CNTN3: variants seen among roughly 807,000 people sequenced by gnomAD.
CNTN3 encodes contactin-3.
CNTN3 carries 60 observed loss-of-function variants against 119.1 expected under a neutral mutation model. That is an observed-to-expected ratio of 0.50 (90% CI 0.41 to 0.62). CNTN3 has a LOEUF of 0.62. Among genes scored for constraint, CNTN3 ranks in the 20% least tolerant of loss-of-function variants. The pLI is 0.00. For missense variants in CNTN3, 1,101 were observed against 1,242.4 expected (o/e 0.89, Z 1.71); for synonymous variants, 450 against 438.7 (o/e 1.03, Z -0.32).
chr3:74,512,059 T>A (rs1016740541), intron 2 of CNTN3, among the ~76,000 whole-genome samples: 31 of 152,148 alleles, frequency 2.0e-4, no homozygotes, highest in Admixed American at 2.0e-3. Context: ...ATGATATCTA[T>A]AATATAGGAT....
At chr3:74,591,699 C>T (rs1236244431) in intron 1 of CNTN3, among the ~76,000 whole-genome samples, 1 of 151,732 alleles carries the variant, frequency 6.6e-6, no homozygotes, top group African/African-American at 2.4e-5. Flanking sequence ...AGGTCTCTGG[C>T]TTTCCTGACA....
rs142206483 is a variant in CNTN3, at chr3:74,352,899, T to C, written c.1364+8991A>G. 6.2e-3 allele frequency among the ~76,000 whole-genome samples: 950 copies of C among 152,278 alleles called. 17 individuals are homozygous for C. The highest frequency in any genetic ancestry group is 0.022 in the African/African-American group (895 of 41,558). ...AACTCACTGAGCTTGCACGCCTACCTGACAGTTGCGAGGGAACAACTGTTT... is the reference window on the plus strand; with the variant it reads ...AACTCACTGAGCTTGCACGCCTACCCGACAGTTGCGAGGGAACAACTGTTT... On this transcript the variant is annotated intron_variant, in intron 11 of 22. Transcript: ENST00000263665.
intron 5 of CNTN3, among the ~76,000 whole-genome samples, chr3:74,413,181 C>T (rs748564077): frequency 7.2e-5 from 11 of 152,054 alleles, no homozygotes; most frequent in South Asian, 2.1e-4. Flanking sequence ...GAAAATGACA[C>T]GTCCCAGGTA....
chr3:74,574,245 C>A (rs1704378773), intron 1 of CNTN3, among the ~76,000 whole-genome samples: 4 of 152,014 alleles, frequency 2.6e-5, no homozygotes, highest in Admixed American at 1.3e-4. Context: ...ATAGGACAAT[C>A]CATAAAAACA....
chr3:74,538,738 C>T (rs1011491834), intron 1 of CNTN3, among the ~76,000 whole-genome samples: 2 of 151,982 alleles, frequency 1.3e-5, no homozygotes, highest in South Asian at 2.1e-4. Flanking sequence ...AGTAAGCTTC[C>T]CTAAGGCAGT....
At chr3:74,553,639 G>A (rs1416614218) in intron 1 of CNTN3, among the ~76,000 whole-genome samples, 1 of 152,160 alleles carries the variant, frequency 6.6e-6, no homozygotes, top group African/African-American at 2.4e-5. Flanking sequence ...TAACTGGCGT[G>A]AGATGATATC....
chr3:74,330,219 G>C (rs770161236), intron 13 of CNTN3, among the ~76,000 whole-genome samples: 18 of 152,078 alleles, frequency 1.2e-4, no homozygotes, highest in Non-Finnish European at 1.6e-4. Flanking sequence ...AGCCGGACAC[G>C]GTGGTGCATG....
At chr3:74,336,410 G>T in intron 12 of CNTN3, 121 bp downstream of exon 12, 2 of 1,043,822 alleles carry the variant, frequency 1.9e-6, no homozygotes, top group Non-Finnish European at 2.8e-6. Flanking sequence ...TAACATAAGT[G>T]CAAATACAGG....
intron 5 of CNTN3, among the ~76,000 whole-genome samples, chr3:74,380,989 T>C (rs1704603218): frequency 6.6e-6 from 1 of 152,042 alleles, no homozygotes; most frequent in Admixed American, 6.6e-5. Context: ...GAAGTTGCCC[T>C]GCCAAATTAC....
chr3:74,370,346 C>T (rs1704305602), intron 6 of CNTN3, among the ~76,000 whole-genome samples: 1 of 152,030 alleles, frequency 6.6e-6, no homozygotes, highest in Admixed American at 6.6e-5. Context: ...CCAAGAAAAC[C>T]ACTGAGCCTT....
intron 13 of CNTN3, among the ~76,000 whole-genome samples, chr3:74,319,003 A>G (rs1254771218): frequency 2.0e-5 from 3 of 152,188 alleles, no homozygotes; most frequent in Admixed American, 6.5e-5. Context: ...CCACTGCTCA[A>G]TGAAATAAAA....
chr3:74,304,595 T>C (rs1702523517), intron 13 of CNTN3, among the ~76,000 whole-genome samples: 1 of 152,210 alleles, frequency 6.6e-6, no homozygotes, highest in Admixed American at 6.5e-5. Context: ...TGGATACACC[T>C]TTTAGGCACA....
chr3:74,588,958 A>G (rs1704648893), intron 1 of CNTN3, among the ~76,000 whole-genome samples: 1 of 152,176 alleles, frequency 6.6e-6, no homozygotes, highest in Non-Finnish European at 1.5e-5. Context: ...AACTAATTCA[A>G]GATGGATTAA....
rs181245931 is a variant in CNTN3 at position 74,534,494 on chromosome 3, A to G, written c.-80-13302T>C. ...AATACAGCAAAGATCTTTCCATTTT[A>G]TGTTAAGCTTCTAAGTCAGTGTTTC... On this transcript the variant is annotated intron_variant, in intron 1 of 22. Transcript: ENST00000263665. 1.7e-4 allele frequency among the ~76,000 whole-genome samples: 26 copies of G among 152,148 alleles called. No individual in the cohort carries two copies. In the East Asian group the frequency reaches 5.1e-3, roughly 30 times the overall value.
chr3:74,482,965 G>T (rs1249291404), intron 4 of CNTN3, among the ~76,000 whole-genome samples: 3 of 151,938 alleles, frequency 2.0e-5, no homozygotes, highest in East Asian at 1.9e-4. Context: ...ATCTTCTTTG[G>T]TTTTTTATCA....
intron 11 of CNTN3, among the ~76,000 whole-genome samples, chr3:74,349,992 C>T (rs1041994979): frequency 2.0e-5 from 3 of 152,114 alleles, no homozygotes; most frequent in Non-Finnish European, 4.4e-5. Flanking sequence ...ACAACACTGA[C>T]GAAATATATT....
intron 1 of CNTN3, among the ~76,000 whole-genome samples, chr3:74,599,361 T>C (rs772698381): frequency 2.0e-5 from 3 of 152,136 alleles, no homozygotes; most frequent in Non-Finnish European, 2.9e-5. Context: ...GAGTGCCATT[T>C]AATCTGAAAC....
At chr3:74,292,853 C>A (rs1249584792) in intron 19 of CNTN3, among the ~76,000 whole-genome samples, 1 of 152,206 alleles carries the variant, frequency 6.6e-6, no homozygotes, top group Non-Finnish European at 1.5e-5. Context: ...AATGCCACTG[C>A]CAGTTCTTTA....
At chr3:74,267,985 CCATGGAGTAATAGCTATACA>C (rs1372414490) in intron 20 of CNTN3, among the ~76,000 whole-genome samples, 3 of 151,968 alleles carry the variant, frequency 2.0e-5, no homozygotes, top group Admixed American at 6.6e-5. Flanking sequence ...AGATTTATTC[CCATGGAGTAATAGCTATACA>C]CATGAAAAAT....
Sources: gnomAD v4.1 joint callset for allele counts (sites outside exome capture counted in the v4.1 genomes callset) on GRCh38, gnomAD v4.1.1 for gene constraint, MANE v1.5 for transcripts, NCBI Gene and HGNC (gene_info 2026-07-23, HGNC 2026-07-21) for gene names.